The following HPSE2 variants were observed in gnomAD, a reference collection of about 807,000 sequenced individuals.
The protein encoded by HPSE2 is heparanase 2 (inactive), also known as inactive heparanase-2.
In HPSE2, 38 loss-of-function variants were observed where a neutral mutation model predicts 60.5. That is an observed-to-expected ratio of 0.63 (90% CI 0.48 to 0.82). HPSE2 has a LOEUF of 0.82. Among genes scored for constraint, HPSE2 ranks in the 40% least tolerant of loss-of-function variants. The pLI is 0.00. For synonymous variants in HPSE2, 295 were observed against 293.2 expected (o/e 1.01, Z -0.06); for missense variants, 713 against 740.4 (o/e 0.96, Z 0.43).
intron 3 of HPSE2, among the ~76,000 whole-genome samples, chr10:99,075,106 C>A (rs897078216): frequency 4.6e-5 from 7 of 151,904 alleles, no homozygotes; most frequent in Non-Finnish European, 8.8e-5. Flanking sequence ...TTTTCTAATT[C>A]TTTGAGGTAT....
intron 2 of HPSE2, among the ~76,000 whole-genome samples, chr10:99,207,921 T>C (rs1323004133): frequency 6.6e-6 from 1 of 151,264 alleles, no homozygotes; most frequent in South Asian, 2.1e-4. Context: ...TACATACCTA[T>C]GATAAAGTTT....
At chr10:99,049,612 T>C (rs1258320834) in intron 3 of HPSE2, among the ~76,000 whole-genome samples, 1 of 151,988 alleles carries the variant, frequency 6.6e-6, no homozygotes, top group East Asian at 1.9e-4. Flanking sequence ...TAGACTGACA[T>C]ATTCAAAGTA....
At chr10:99,243,075 C>T in the HPSE2 span, among the ~76,000 whole-genome samples, 1,001 of 152,130 alleles carry the variant, frequency 6.6e-3, 6 homozygotes, top group African/African-American at 0.022. Context: ...GAGTTAAGTC[C>T]GGGCACAGTG....
chr10:98,804,679 G>A (rs1951000519), intron 3 of HPSE2, among the ~76,000 whole-genome samples: 1 of 152,092 alleles, frequency 6.6e-6, no homozygotes, highest in Non-Finnish European at 1.5e-5. Context: ...CTATGCTGTT[G>A]GTGGAAATGT....
chr10:99,119,804 C>G (rs11189979), intron 3 of HPSE2, among the ~76,000 whole-genome samples: 74,917 of 151,974 alleles, frequency 0.49, 20,932 homozygotes, highest in East Asian at 0.65. Context: ...CATCTAAAAC[C>G]ATCTGATCTT....
chr10:98,750,291 G>C (rs1032414651), intron 3 of HPSE2, among the ~76,000 whole-genome samples: 8 of 152,104 alleles, frequency 5.3e-5, no homozygotes, highest in Non-Finnish European at 8.8e-5. Flanking sequence ...ATGAATGAGA[G>C]GGAGAGCAGT....
At chr10:98,700,297 C>T (rs77520143) in intron 5 of HPSE2, among the ~76,000 whole-genome samples, 69,755 of 119,848 alleles carry the variant, frequency 0.58, 24,237 homozygotes, top group South Asian at 0.87. Flanking sequence ...AAAACAGAGA[C>T]ATAGATCAAT....
Position 98,792,652 on chromosome 10 carries a change from A to AC in HPSE2, c.611-48597_611-48596insG, listed in dbSNP as rs925368638. On this transcript the variant is annotated intron_variant, in intron 3 of 11. Transcript: ENST00000370552. ...ATACAAATTCCTACAAAAAAAAAAA[A>AC]AAAACACGAAGAATGGAAAATGGTT... 7.2e-5 allele frequency among the ~76,000 whole-genome samples: 11 copies of AC among 151,922 alleles called. No individual in the cohort carries two copies. In the East Asian group the frequency reaches 1.4e-3, roughly 19 times the overall value.
At chr10:99,163,550 T>C (rs2133777145) in intron 2 of HPSE2, among the ~76,000 whole-genome samples, 1 of 152,312 alleles carries the variant, frequency 6.6e-6, no homozygotes, top group South Asian at 2.1e-4. Flanking sequence ...TGGTTTATAT[T>C]TTTATTGCAT....
intron 3 of HPSE2, among the ~76,000 whole-genome samples, chr10:98,989,245 C>A (rs1236328809): frequency 6.6e-6 from 1 of 152,148 alleles, no homozygotes; most frequent in African/African-American, 2.4e-5. Context: ...TGGAACCAAC[C>A]CAAATGTCCA....
chr10:98,864,795 C>G (rs1952548132), intron 3 of HPSE2, among the ~76,000 whole-genome samples: 1 of 152,098 alleles, frequency 6.6e-6, no homozygotes, highest in Non-Finnish European at 1.5e-5. Flanking sequence ...GTTTTGCTGG[C>G]TTGGTATAGA....
intron 3 of HPSE2, among the ~76,000 whole-genome samples, chr10:98,996,162 T>C (rs1956637245): frequency 6.6e-6 from 1 of 152,176 alleles, no homozygotes; most frequent in Non-Finnish European, 1.5e-5. Flanking sequence ...ACAATTATAA[T>C]TTATTTTGAC....
intron 3 of HPSE2, among the ~76,000 whole-genome samples, chr10:98,986,618 C>T (rs1444311869): frequency 1.4e-5 from 2 of 147,278 alleles, no homozygotes; most frequent in East Asian, 4.0e-4. Flanking sequence ...CAAAAGCTAG[C>T]AGAAGGCAAG....
intron 2 of HPSE2, among the ~76,000 whole-genome samples, chr10:99,217,408 G>T (rs553212246): frequency 3.8e-4 from 58 of 151,962 alleles, no homozygotes; most frequent in Non-Finnish European, 6.0e-4. Context: ...GGCTATACTT[G>T]GGCTCTAGAT....
At chr10:98,910,778 T>G (rs1432311797) in intron 3 of HPSE2, among the ~76,000 whole-genome samples, 1 of 152,196 alleles carries the variant, frequency 6.6e-6, no homozygotes, top group African/African-American at 2.4e-5. Flanking sequence ...CATATCCAGT[T>G]GTTTTCCACT....
intron 4 of HPSE2, among the ~76,000 whole-genome samples, chr10:98,728,618 AAAAC>A (rs1430268059): frequency 1.3e-5 from 2 of 152,316 alleles, no homozygotes; most frequent in Non-Finnish European, 2.9e-5. Context: ...ACTCTGTCTC[AAAAC>A]AAACAAACGA....
At chr10:98,832,064 A>G (rs746830142) in intron 3 of HPSE2, among the ~76,000 whole-genome samples, 62 of 152,218 alleles carry the variant, frequency 4.1e-4, no homozygotes, top group Non-Finnish European at 8.1e-4. Flanking sequence ...AGTCTGGGCT[A>G]GAAATCCAGC....
intron 5 of HPSE2, among the ~76,000 whole-genome samples, chr10:98,715,173 A>G (rs1486749872): frequency 1.3e-5 from 2 of 151,922 alleles, no homozygotes; most frequent in Non-Finnish European, 2.9e-5. Context: ...TCGACACACA[A>G]AAGTTCTTAG....
intron 3 of HPSE2, chr10:99,048,103 CA>C: frequency 1.1e-6 from 1 of 930,130 alleles, no homozygotes; most frequent in Non-Finnish European, 1.7e-6. Context: ...AACTAATCTA[CA>C]AGCGTGCTTA....
Sources: gnomAD v4.1 joint callset for allele counts (sites outside exome capture counted in the v4.1 genomes callset) on GRCh38, gnomAD v4.1.1 for gene constraint, MANE v1.5 for transcripts, NCBI Gene and HGNC (gene_info 2026-07-23, HGNC 2026-07-21) for gene names.